Variants in ARHGEF18 observed in about 807,000 individuals in gnomAD.
ARHGEF18 encodes the protein Rho/Rac guanine nucleotide exchange factor 18.
ARHGEF18 carries 93 observed loss-of-function variants against 155.7 expected under a neutral mutation model. The observed-to-expected ratio is 0.60, with a 90% CI of 0.50 to 0.71. The LOEUF (loss-of-function observed/expected upper bound fraction) is 0.71, where lower values mean the gene tolerates loss of function less well. Among genes scored for constraint, ARHGEF18 ranks in the 30% least tolerant of loss-of-function variants. The pLI is 0.00. For missense variants in ARHGEF18, 1,593 were observed against 1,816.1 expected, an observed-to-expected ratio of 0.88 and a Z score of 2.23; for synonymous variants, 742 against 753.1, an observed-to-expected ratio of 0.99 and a Z score of 0.24.
chr19:7,356,277 T>C (rs960963358), intron 1 of ARHGEF18, among the ~76,000 whole-genome samples: 3 of 149,574 alleles, frequency 2.0e-5, no homozygotes, highest in East Asian at 3.9e-4. Flanking sequence ...TTTTCTTTTT[T>C]TTTTTTTTTC....
rs1410874666 is a variant in ARHGEF18 at position 7,462,509 on chromosome 19, A to C, written c.2635+175A>C. ...CCGCCCCCCGGTGCCTGTGAGAGCC[A>C]GAAGGGCCTTAGACATAATCTGGGC... On this transcript the variant is annotated intron_variant, in intron 21 of 28. Coordinates refer to ENST00000668164, the MANE Select transcript of ARHGEF18 (RefSeq NM_001367823.1). This position sits in a 1 kb window ranked among gnomAD's most constrained non-coding sequence, Gnocchi z 4.4. Among the ~76,000 whole-genome samples the C allele has an allele frequency of 6.6e-6, 1 of 152,220 alleles. No homozygotes were observed. Among genetic ancestry groups the C allele is most frequent in the African/African-American group, 2.4e-5 (1 of 41,456 alleles).
intron 13 of ARHGEF18, among the ~76,000 whole-genome samples, chr19:7,443,941 C>T (rs888601427): frequency 1.3e-5 from 2 of 151,980 alleles, no homozygotes; most frequent in African/African-American, 2.4e-5. Flanking sequence ...AAATGTCGTC[C>T]GTTGGGTTGA....
At position 7,430,745 on chromosome 19, in the gene ARHGEF18, C is replaced by T. The variant is rs115790393; in HGVS notation, c.968-9599C>T. Among the ~76,000 whole-genome samples, 793 of 152,228 alleles carry T rather than the reference C, an allele frequency of 5.2e-3. 9 individuals carry two copies. Among genetic ancestry groups the T allele is most frequent in the African/African-American group, 0.018 (754 of 41,542 alleles). On this transcript the variant is annotated intron_variant, in intron 10 of 28. Coordinates refer to ENST00000668164, the MANE Select transcript of ARHGEF18 (RefSeq NM_001367823.1). ...GCTTGAGCCCAGGAATTCGTAACTG[C>T]GGTAAGCTAAGTCTGTGCCACTGTA...
chr19:7,409,128 C>T lies in ARHGEF18; in HGVS notation c.967+25925C>T, dbSNP rs1281835860. Among the ~76,000 whole-genome samples the T allele has an allele frequency of 6.6e-5, 9 of 135,836 alleles. No individual in the cohort carries two copies. In the East Asian group the frequency reaches 9.1e-4, roughly 14 times the overall value. The allele number at this position is 135,836 out of a possible 152,430, so 89.1% of individuals were successfully genotyped here. On this transcript the variant is annotated intron_variant, in intron 10 of 28. Transcript: ENST00000668164. ...AGGCTGGAGTGCAGTGGCGTGTTCTCGGCTCACTGCAAGCTCCGCCTCCTG... is the reference window on the plus strand; with the variant it reads ...AGGCTGGAGTGCAGTGGCGTGTTCTTGGCTCACTGCAAGCTCCGCCTCCTG...
intron 16 of ARHGEF18, 84 bp from the exon 17 acceptor site, chr19:7,453,383 C>CCCT: frequency 2.2e-6 from 3 of 1,347,462 alleles, no homozygotes; most frequent in Non-Finnish European, 2.9e-6. Context: ...CCTCATAGAT[C>CCCT]CACATGTCCA....
At chr19:7,415,410 C>T (rs745922839) in intron 10 of ARHGEF18, among the ~76,000 whole-genome samples, 10 of 151,842 alleles carry the variant, frequency 6.6e-5, no homozygotes, top group Non-Finnish European at 1.0e-4. Context: ...CTCGAGGTCC[C>T]GGTCCCCCTG....
Position 7,431,465 on chromosome 19 carries a change from C to T in ARHGEF18, c.968-8879C>T, listed in dbSNP as rs376506377. On this transcript the variant is annotated intron_variant, in intron 10 of 28. Coordinates refer to ENST00000668164, the MANE Select transcript of ARHGEF18 (RefSeq NM_001367823.1). ...GGCGGAGGTTGCAGTGAGTCAAGAT[C>T]GTGCCACTGCACTCCAGCCTGGACG... 1.4e-4 allele frequency among the ~76,000 whole-genome samples: 18 copies of T among 130,752 alleles called. No homozygotes were observed. The East Asian group carries it at 3.7e-3, about 27-fold the overall frequency. The allele number at this position is 130,752 out of a possible 152,430, so 85.8% of individuals were successfully genotyped here. A position where few individuals can be genotyped will look rare whatever the true frequency, so the allele number is the denominator to read the frequency against.
At chr19:7,413,523 GATCT>G (rs995539317) in intron 10 of ARHGEF18, among the ~76,000 whole-genome samples, 39 of 152,030 alleles carry the variant, frequency 2.6e-4, no homozygotes, top group African/African-American at 9.2e-4. Context: ...GGATGGTTTC[GATCT>G]CCTGACCTCG....
chr19:7,370,099 AG>A (rs1387927489), intron 2 of ARHGEF18, among the ~76,000 whole-genome samples: 1 of 152,098 alleles, frequency 6.6e-6, no homozygotes, highest in African/African-American at 2.4e-5. Context: ...CAGGAGGGTG[AG>A]GCACGAGAAT....
rs1976396610 is a variant in ARHGEF18 at position 7,463,188 on chromosome 19, C to T, written c.2636-630C>T. On this transcript the variant is annotated intron_variant, in intron 21 of 28. Coordinates refer to ENST00000668164, the MANE Select transcript of ARHGEF18 (RefSeq NM_001367823.1). This position sits in a 1 kb window ranked among gnomAD's most constrained non-coding sequence, Gnocchi z 5.2. ...CCGACTCAGCCCCTGCCTTCCAGAG[C>T]CTTTCCGCAGAATAAGACGGCAGAG... is the stretch of plus-strand genomic sequence containing the variant. 1.3e-5 allele frequency among the ~76,000 whole-genome samples: 2 copies of T among 152,192 alleles called. No homozygotes were observed. Among genetic ancestry groups the T allele is most frequent in the African/African-American group, 4.8e-5 (2 of 41,442 alleles).
chr19:7,377,702 C>T (rs1227693288), intron 5 of ARHGEF18, among the ~76,000 whole-genome samples: 1 of 150,592 alleles, frequency 6.6e-6, no homozygotes, highest in Non-Finnish European at 1.5e-5. Context: ...ATGGGAGGAT[C>T]ACTTAAACCC....
At chr19:7,435,334 A>G (rs367745514) in intron 10 of ARHGEF18, among the ~76,000 whole-genome samples, 427 of 152,234 alleles carry the variant, frequency 2.8e-3, no homozygotes, top group South Asian at 0.013. Context: ...AGACCCAGAA[A>G]TGACCGTCAG....
At chr19:7,382,339 G>A (rs551749997) in intron 8 of ARHGEF18, among the ~76,000 whole-genome samples, 5 of 151,988 alleles carry the variant, frequency 3.3e-5, no homozygotes, top group South Asian at 2.1e-4. Context: ...AGGCTGCAGT[G>A]AGCCGAGATT....
chr19:7,350,725 C>A (rs1002438501), intron 1 of ARHGEF18, among the ~76,000 whole-genome samples: 1 of 149,904 alleles, frequency 6.7e-6, no homozygotes, highest in Non-Finnish European at 1.5e-5. Context: ...TCTGAGCTTT[C>A]GTTTGCTCAT....
chr19:7,422,716 C>CTTTTTTT (rs67634093), intron 10 of ARHGEF18, among the ~76,000 whole-genome samples: 11 of 111,210 alleles, frequency 9.9e-5, no homozygotes, highest in Non-Finnish European at 1.4e-4. Context: ...TCTAACTTTT[C>CTTTTTTT]TTTTTTTTTT....
At chr19:7,364,393 G>GA (rs1969793138) in intron 2 of ARHGEF18, among the ~76,000 whole-genome samples, 3 of 148,994 alleles carry the variant, frequency 2.0e-5, no homozygotes, top group Non-Finnish European at 4.5e-5. Flanking sequence ...AGGAAGGAAG[G>GA]AAGGAAGGAA....
At chr19:7,362,089 G>A (rs796098570) in intron 1 of ARHGEF18, among the ~76,000 whole-genome samples, 540 of 37,096 alleles carry the variant, frequency 0.015, 96 homozygotes, top group East Asian at 0.083. Context: ...GAAGGAGAAG[G>A]AGAAGGAGAA....
intron 2 of ARHGEF18, among the ~76,000 whole-genome samples, chr19:7,365,293 G>A (rs1228509307): frequency 6.6e-6 from 1 of 152,190 alleles, no homozygotes; most frequent in Non-Finnish European, 1.5e-5. Flanking sequence ...TGCGCATGGA[G>A]GTGTGCACCT....
rs374312353 is a variant in ARHGEF18, at chr19:7,468,942, C to T, written c.3598C>T (p.Arg1200Trp). 18 of 1,570,744 alleles carry T rather than the reference C, an allele frequency of 1.1e-5. No homozygotes were observed. The highest frequency in any genetic ancestry group is 4.2e-5 in the African/African-American group (3 of 71,472). The change falls in exon 27 of 29, where the codon CGG (arginine) becomes TGG (tryptophan). Residue 1200 changes from arginine (R) to tryptophan (W), a missense_variant. Arg to Trp is a moderately radical substitution (Grantham distance 101). Transcript: ENST00000668164. ...CGCAGAGCGCCCCGAGGTGGCTCGC[C>T]GGGACAGCGCCCCCACCGAGAACCG... Reference protein sequence around the residue: ...EYAERPEVARRDSAPTENRLA... With the variant: ...EYAERPEVARWDSAPTENRLA...
Sources: gnomAD v4.1 joint callset for allele counts (sites outside exome capture counted in the v4.1 genomes callset) on GRCh38, gnomAD v4.1.1 for gene constraint, Gnocchi (gnomAD v3.1) non-coding constraint, MANE v1.5 for transcripts, NCBI Gene and HGNC (gene_info 2026-07-23, HGNC 2026-07-21) for gene names.